Variants in NR3C2 observed in about 807,000 individuals in gnomAD.
The protein encoded by NR3C2 is nuclear receptor subfamily 3 group C member 2.
A neutral mutation model predicts 86.4 loss-of-function variants in NR3C2; 15 were observed. The observed-to-expected ratio is 0.17, with a 90% CI of 0.12 to 0.27. The LOEUF (loss-of-function observed/expected upper bound fraction) is 0.27. Ranked by LOEUF, NR3C2 falls within the 10% of genes least tolerant of loss-of-function variation. The pLI is 1.00. For missense variants in NR3C2, 960 were observed against 1,195.6 expected (o/e 0.80, Z 2.91); for synonymous variants, 458 against 450.5 (o/e 1.02, Z -0.21).
At chr4:148,237,701 T>A in intron 3 of NR3C2, among the ~76,000 whole-genome samples, 1 of 151,258 alleles carries the variant, frequency 6.6e-6, no homozygotes. Context: ...GCCAAAATGA[T>A]TTACATTGAA....
intron 3 of NR3C2, among the ~76,000 whole-genome samples, chr4:148,196,702 G>T (rs1467965097): frequency 6.6e-6 from 1 of 152,094 alleles, no homozygotes; most frequent in African/African-American, 2.4e-5. Flanking sequence ...GTAAATCTTA[G>T]TAATAACAAT....
intron 3 of NR3C2, among the ~76,000 whole-genome samples, chr4:148,247,957 C>G (rs1023255380): frequency 6.6e-6 from 1 of 151,964 alleles, no homozygotes; most frequent in Non-Finnish European, 1.5e-5. Flanking sequence ...TTACATTAGG[C>G]AAAGGTCAGC....
intron 4 of NR3C2, among the ~76,000 whole-genome samples, chr4:148,162,722 T>C (rs1008876798): frequency 6.6e-6 from 1 of 152,192 alleles, no homozygotes; most frequent in Non-Finnish European, 1.5e-5. Context: ...CTCCGGCATC[T>C]CTTAGGAAGA....
At chr4:148,255,779 T>C (rs1739802787) in intron 3 of NR3C2, among the ~76,000 whole-genome samples, 1 of 152,182 alleles carries the variant, frequency 6.6e-6, no homozygotes. Flanking sequence ...ACAGATGAGA[T>C]GGAACTAATG....
At chr4:148,268,043 G>A (rs1007474860) in intron 2 of NR3C2, among the ~76,000 whole-genome samples, 2 of 150,028 alleles carry the variant, frequency 1.3e-5, no homozygotes, top group Admixed American at 6.7e-5. Context: ...GAGTTCAAGC[G>A]ATTGTCTTCC....
At chr4:148,435,059 T>C in intron 2 of NR3C2, 45 bp downstream of exon 2, 3 of 1,568,302 alleles carry the variant, frequency 1.9e-6, no homozygotes, top group African/African-American at 1.4e-5. Flanking sequence ...ACCTTCAACA[T>C]GTATAAAGCC....
rs146127938 is a variant in NR3C2 at position 148,286,469 on chromosome 4, A to T, written c.1758-26352T>A. On this transcript the variant is annotated intron_variant, in intron 2 of 8. Transcript: ENST00000358102. ...ACAAATAATTACATGGATCTTCACA[A>T]TAACCATATGGTCACTGCAAAAAGA... is the stretch of plus-strand genomic sequence containing the variant. Among the ~76,000 whole-genome samples the T allele has an allele frequency of 4.0e-3, 616 of 152,322 alleles. 2 individuals carry two copies. The highest frequency in any genetic ancestry group is 4.5e-3 in the Non-Finnish European group (309 of 68,034).
chr4:148,386,288 C>A (rs1747258584), intron 2 of NR3C2, among the ~76,000 whole-genome samples: 1 of 152,160 alleles, frequency 6.6e-6, no homozygotes, highest in Non-Finnish European at 1.5e-5. Flanking sequence ...ATTAACAGGG[C>A]CACTCCCTTG....
At chr4:148,261,131 G>A (rs931028833) in intron 2 of NR3C2, among the ~76,000 whole-genome samples, 7 of 152,214 alleles carry the variant, frequency 4.6e-5, no homozygotes, top group African/African-American at 7.2e-5. Context: ...AGATCTAGTA[G>A]CAACACTTCA....
chr4:148,411,465 C>T (rs1748699257), intron 2 of NR3C2, among the ~76,000 whole-genome samples: 1 of 152,180 alleles, frequency 6.6e-6, no homozygotes, highest in South Asian at 2.1e-4. Context: ...TCTCCAGGGT[C>T]AAGCACTAAT....
intron 2 of NR3C2, among the ~76,000 whole-genome samples, chr4:148,347,086 G>A (rs999557456): frequency 8.5e-5 from 13 of 152,100 alleles, no homozygotes; most frequent in South Asian, 6.2e-4. Flanking sequence ...GTGAAGCCAC[G>A]TAAGAAAAGC....
At chr4:148,218,545 T>C (rs1737666896) in intron 3 of NR3C2, among the ~76,000 whole-genome samples, 1 of 152,148 alleles carries the variant, frequency 6.6e-6, no homozygotes, top group Non-Finnish European at 1.5e-5. Context: ...TTTTTAAACA[T>C]AGAAGTTATT....
At chr4:148,158,989 G>A (rs1734532621) in intron 4 of NR3C2, among the ~76,000 whole-genome samples, 1 of 152,214 alleles carries the variant, frequency 6.6e-6, no homozygotes, top group African/African-American at 2.4e-5. Flanking sequence ...TCAGCCATGC[G>A]TATTTACCCA....
rs1744907780 is a variant in NR3C2, at chr4:148,344,702, A to G, written c.1758-84585T>C. 2.6e-5 allele frequency among the ~76,000 whole-genome samples: 4 copies of G among 152,290 alleles called. No individual in the cohort carries two copies. In the South Asian group the frequency reaches 6.2e-4, roughly 24 times the overall value. ...ACTACTATTGTTCAACATGCTTAAC[A>G]TTATCAAGAGGTTTTAGACATTCTA... On this transcript the variant is annotated intron_variant, in intron 2 of 8. Transcript: ENST00000358102.
intron 3 of NR3C2, chr4:148,208,349 C>T (rs1358519544): frequency 6.6e-6 from 1 of 152,256 alleles, no homozygotes; most frequent in African/African-American, 2.4e-5. Context: ...CAACTTTGGG[C>T]AGAAGGATCC....
Position 148,279,352 on chromosome 4 carries a change from C to T in NR3C2, c.1758-19235G>A, listed in dbSNP as rs562661820. Among the ~76,000 whole-genome samples the T allele has an allele frequency of 2.6e-5, 4 of 152,146 alleles. No individual in the cohort carries two copies. In the East Asian group the frequency reaches 5.8e-4, roughly 22 times the overall value. On this transcript the variant is annotated intron_variant, in intron 2 of 8. Coordinates refer to ENST00000358102, the MANE Select transcript of NR3C2 (RefSeq NM_000901.5). ...AAAATAATGAGTGATTAAATTAGAC[C>T]GAAACTTGGTGGAGGACAGAACACT...
chr4:148,188,751 T>C (rs749724310), intron 4 of NR3C2, among the ~76,000 whole-genome samples: 2 of 152,102 alleles, frequency 1.3e-5, no homozygotes, highest in Non-Finnish European at 2.9e-5. Context: ...TCGCTCTGGC[T>C]AGGACTTCCA....
intron 3 of NR3C2, chr4:148,208,588 T>C (rs1737121948): frequency 6.6e-6 from 1 of 152,448 alleles, no homozygotes; most frequent in African/African-American, 2.4e-5. Flanking sequence ...CCTGCCTTTC[T>C]TGAGAGCCTA....
chr4:148,216,281 G>A (rs1238625357), intron 3 of NR3C2, among the ~76,000 whole-genome samples: 3 of 152,010 alleles, frequency 2.0e-5, no homozygotes, highest in Admixed American at 6.6e-5. Flanking sequence ...GCCAGATCTG[G>A]TCCCTGATCT....
Sources: allele counts gnomAD v4.1 joint callset (sites outside exome capture counted in the v4.1 genomes callset), GRCh38; gene constraint gnomAD v4.1.1; transcripts MANE v1.5; gene names NCBI Gene and HGNC (gene_info 2026-07-23, HGNC 2026-07-21).